NRXN1: variants seen among roughly 807,000 people sequenced by gnomAD.
NRXN1 encodes neurexin 1.
A neutral mutation model predicts 150.9 loss-of-function variants in NRXN1; 39 were observed. That is an observed-to-expected ratio of 0.26 (90% CI 0.20 to 0.34). The LOEUF is 0.34. Ranked by LOEUF, NRXN1 falls within the 10% of genes least tolerant of loss-of-function variation. The probability of loss-of-function intolerance (pLI) is 1.00; values close to 1 mark genes in which losing one functional copy is unlikely to be tolerated. For missense variants in NRXN1, 1,815 were observed against 1,949.9 expected (o/e 0.93, Z 1.30); for synonymous variants, 924 against 757.0 (o/e 1.22, Z -3.62).
chr2:50,655,883 C>G (rs1393591833), intron 5 of NRXN1, among the ~76,000 whole-genome samples: 1 of 151,888 alleles, frequency 6.6e-6, no homozygotes, highest in Non-Finnish European at 1.5e-5. Context: ...AAGAAATTCT[C>G]TGGCCAGCAA....
In NRXN1 at chr2:50,232,892, C is replaced by T. The variant is rs560682387; in HGVS notation, c.3546+3897G>A. On this transcript the variant is annotated intron_variant, in intron 18 of 22. Transcript: ENST00000401669. ...CATAGACTTTCTTTAAACCACCAAT[C>T]ACCATAACCAATTCTTAGTTGAAGA... Among the ~76,000 whole-genome samples the T allele has an allele frequency of 1.2e-3, 185 of 152,182 alleles. 5 individuals carry two copies. In the South Asian group the frequency reaches 0.023, roughly 19 times the overall value.
At chr2:50,911,221 A>G (rs1684470603) in intron 5 of NRXN1, among the ~76,000 whole-genome samples, 1 of 151,758 alleles carries the variant, frequency 6.6e-6, no homozygotes, top group South Asian at 2.1e-4. Context: ...TTACTCTTTC[A>G]CATCTATTTC....
At chr2:50,765,537 C>T (rs1381355964) in intron 5 of NRXN1, among the ~76,000 whole-genome samples, 1 of 151,980 alleles carries the variant, frequency 6.6e-6, no homozygotes, top group East Asian at 1.9e-4. Context: ...TGGTATGAAC[C>T]GTAGGCTAGT....
At chr2:50,515,600 G>GGGGTGTGTGTGT (rs952552460) in intron 12 of NRXN1, among the ~76,000 whole-genome samples, 311 of 143,506 alleles carry the variant, frequency 2.2e-3, no homozygotes, top group African/African-American at 7.7e-3. Context: ...AAATGCTTGG[G>GGGGTGTGTGTGT]GTGTGTGTGT....
chr2:50,304,006 A>G (rs1026523193), intron 17 of NRXN1, among the ~76,000 whole-genome samples: 1 of 152,198 alleles, frequency 6.6e-6, no homozygotes, highest in Non-Finnish European at 1.5e-5. Context: ...CATTTTATAG[A>G]TCATAATGGT....
rs907706841 is a variant in NRXN1 at position 50,886,830 on chromosome 2, T to C, written c.832+35039A>G. 2.0e-5 allele frequency among the ~76,000 whole-genome samples: 3 copies of C among 151,412 alleles called. No individual in the cohort carries two copies. In the Admixed American group the frequency reaches 2.0e-4, roughly 10 times the overall value. On this transcript the variant is annotated intron_variant, in intron 5 of 22. Transcript: ENST00000401669. Reference sequence around the variant, plus strand: ...GTCTAATAATAGCTATATTATACTTTGGAGAGCCCAAAGTCTAGAATATTC... The same window carrying C: ...GTCTAATAATAGCTATATTATACTTCGGAGAGCCCAAAGTCTAGAATATTC...
chr2:50,787,386 C>A (rs1222271479), intron 5 of NRXN1, among the ~76,000 whole-genome samples: 2 of 151,612 alleles, frequency 1.3e-5, no homozygotes, highest in Admixed American at 6.6e-5. Flanking sequence ...GTGGTGAAAC[C>A]CCCATCTCTA....
intron 18 of NRXN1, among the ~76,000 whole-genome samples, chr2:50,157,382 G>C (rs1421615950): frequency 6.6e-6 from 1 of 151,984 alleles, no homozygotes; most frequent in Non-Finnish European, 1.5e-5. Flanking sequence ...GATAAGCATA[G>C]GCGTTTATAA....
chr2:50,096,650 A>G (rs1381989718), intron 18 of NRXN1, among the ~76,000 whole-genome samples: 1 of 152,254 alleles, frequency 6.6e-6, no homozygotes, highest in African/African-American at 2.4e-5. Flanking sequence ...CTCTTATAAG[A>G]ATATCAGTAA....
At chr2:50,093,934 G>A (rs534355885) in intron 18 of NRXN1, among the ~76,000 whole-genome samples, 1 of 152,200 alleles carries the variant, frequency 6.6e-6, no homozygotes, top group African/African-American at 2.4e-5. Context: ...GTTTAGGACT[G>A]TTGTGCCATC....
In NRXN1 at chr2:50,447,737, T is replaced by TTTTATATATATATATATATA. The variant is rs1208594855; in HGVS notation, c.3364+17704_3364+17705insTATATATATATATATATAAA. 8.7e-3 allele frequency among the ~76,000 whole-genome samples: 330 copies of TTTTATATATATATATATATA among 37,872 alleles called. 81 individuals carry two copies. The highest frequency in any genetic ancestry group is 0.033 in the African/African-American group (201 of 6,082). 24.8% of individuals were successfully genotyped at this position (37,872 alleles called of 152,430 possible). ...AAATCACATAGTAAGCAGGGGAACG[T>TTTTATATATATATATATATA]TATATATATATATATATATATATAT... On this transcript the variant is annotated intron_variant, in intron 17 of 22. Transcript: ENST00000401669.
chr2:51,025,822 T>C (rs573465919), intron 2 of NRXN1, among the ~76,000 whole-genome samples: 3 of 152,296 alleles, frequency 2.0e-5, no homozygotes, highest in South Asian at 4.1e-4. Context: ...CTCATAACCA[T>C]AGAAATGTAC....
intron 11 of NRXN1, among the ~76,000 whole-genome samples, chr2:50,529,507 G>C (rs530082975): frequency 6.6e-6 from 1 of 152,230 alleles, no homozygotes; most frequent in South Asian, 2.1e-4. Context: ...AAAGACTGTA[G>C]GATGTTTCAT....
rs115290734 is a variant in NRXN1, at chr2:50,485,610, A to G, written c.3070+10295T>C. Among the ~76,000 whole-genome samples, 1,108 of 152,324 alleles carry G rather than the reference A, an allele frequency of 7.3e-3. 6 individuals are homozygous for G. The highest frequency in any genetic ancestry group is 0.026 in the African/African-American group (1,070 of 41,568). ...ACTTCCAAGGTTGAGGGGACAAAGG[A>G]TCCATGGAAACTCCTCGTGGGCCGA... On this transcript the variant is annotated intron_variant, in intron 15 of 22. Coordinates refer to ENST00000401669, the MANE Select transcript of NRXN1 (RefSeq NM_001330078.2).
chr2:50,521,677 A>G (rs1251129149), intron 12 of NRXN1, among the ~76,000 whole-genome samples: 1 of 152,286 alleles, frequency 6.6e-6, no homozygotes, highest in South Asian at 2.1e-4. Flanking sequence ...AACAGATTGT[A>G]ATTCTCATGG....
chr2:51,011,089 A>G (rs956975099), intron 2 of NRXN1, among the ~76,000 whole-genome samples: 1 of 152,046 alleles, frequency 6.6e-6, no homozygotes, highest in African/African-American at 2.4e-5. Context: ...GCGCTTTTTA[A>G]TATTTTCAAC....
chr2:50,757,568 T>C (rs1166772061), intron 5 of NRXN1, among the ~76,000 whole-genome samples: 1 of 151,812 alleles, frequency 6.6e-6, no homozygotes, highest in Admixed American at 6.6e-5. Flanking sequence ...GAATAAGTCA[T>C]ATCTATCATC....
intron 17 of NRXN1, among the ~76,000 whole-genome samples, chr2:50,391,803 T>G (rs1395277257): frequency 2.0e-5 from 3 of 152,174 alleles, no homozygotes; most frequent in Non-Finnish European, 4.4e-5. Flanking sequence ...TAGGGATGAA[T>G]GAGAAACAAT....
In NRXN1 at chr2:50,553,984, T is replaced by A. The variant is rs563067430; in HGVS notation, c.1321-959A>T. On this transcript the variant is annotated intron_variant, in intron 8 of 22. Transcript: ENST00000401669. ...GGACACCTTTTCTCTACAAAATGCA[T>A]ACAGTGGATAATCACATTTCTAAAA... Among the ~76,000 whole-genome samples the A allele has an allele frequency of 2.6e-5, 4 of 152,314 alleles. 1 individual carries two copies. Among genetic ancestry groups the A allele is most frequent in the African/African-American group, 9.6e-5 (4 of 41,580 alleles).
Sources: allele counts gnomAD v4.1 joint callset (sites outside exome capture counted in the v4.1 genomes callset), GRCh38; gene constraint gnomAD v4.1.1; transcripts MANE v1.5; gene names NCBI Gene and HGNC (gene_info 2026-07-23, HGNC 2026-07-21).